LIPK: variants seen among roughly 807,000 people sequenced by gnomAD.
LIPK encodes lipase family member K.
Under a neutral mutation model 48.6 loss-of-function variants are expected in LIPK, and 32 were observed. The observed-to-expected ratio is 0.66, with a 90% CI of 0.50 to 0.88. LIPK has a LOEUF of 0.88. Ranked by LOEUF, LIPK falls within the 40% of genes least tolerant of loss-of-function variation. The pLI is 0.00. For missense variants in LIPK, 507 were observed against 478.5 expected, an observed-to-expected ratio of 1.06 and a Z score of -0.56; for synonymous variants, 164 against 157.4, an observed-to-expected ratio of 1.04 and a Z score of -0.32.
Position 88,733,765 on chromosome 10 carries a change from A to T in LIPK, c.669+1214A>T, listed in dbSNP as rs536153593. 2.0e-5 allele frequency among the ~76,000 whole-genome samples: 3 copies of T among 152,266 alleles called. No homozygotes were observed. In the South Asian group the frequency reaches 6.2e-4, roughly 32 times the overall value. Reference sequence around the variant, plus strand: ...TCTCTTCAAACTTCTGCATACCCTGACGTGTGTAGGACGTGGTGCAATTCA... The same window carrying T: ...TCTCTTCAAACTTCTGCATACCCTGTCGTGTGTAGGACGTGGTGCAATTCA... On this transcript the variant is annotated intron_variant, in intron 6 of 9. Coordinates refer to ENST00000404190, the MANE Select transcript of LIPK (RefSeq NM_001080518.2).
chr10:88,732,306 T>G lies in LIPK; in HGVS notation c.532+19T>G. The G allele has an allele frequency of 6.2e-7, 1 of 1,603,392 alleles. No individual in the cohort carries two copies. The highest frequency in any genetic ancestry group is 8.5e-7 in the Non-Finnish European group (1 of 1,174,008). ...ACCATAGGTGTGTTTGGGGCAGATG[T>G]GATCAGAGAATGTCAGGGGCTCTTC... On this transcript the variant is annotated intron_variant, in intron 5 of 9. Coordinates refer to ENST00000404190, the MANE Select transcript of LIPK (RefSeq NM_001080518.2).
At chr10:88,711,698 C>A (rs1311651762) in intron 1 of LIPK, among the ~76,000 whole-genome samples, 1 of 152,184 alleles carries the variant, frequency 6.6e-6, no homozygotes, top group Non-Finnish European at 1.5e-5. Context: ...GGGTCTTGAG[C>A]TCCTGGCCTC....
intron 3 of LIPK, chr10:88,728,140 T>G: frequency 4.4e-6 from 1 of 226,288 alleles, no homozygotes; most frequent in African/African-American, 2.3e-5. Context: ...ATGAACAACG[T>G]AGAATAAGTA....
intron 3 of LIPK, chr10:88,728,519 T>G (rs905719936): frequency 3.4e-6 from 1 of 290,722 alleles, no homozygotes; most frequent in Non-Finnish European, 7.0e-6. Context: ...GACTCAACGC[T>G]GAGCCTGCAG....
At chr10:88,717,666 T>C (rs1842145695) in intron 1 of LIPK, among the ~76,000 whole-genome samples, 3 of 152,208 alleles carry the variant, frequency 2.0e-5, no homozygotes, top group Non-Finnish European at 1.5e-5. Flanking sequence ...AATAATGATG[T>C]ACCATCTGAT....
At chr10:88,721,750 T>C (rs1035403224) in intron 1 of LIPK, among the ~76,000 whole-genome samples, 2 of 152,164 alleles carry the variant, frequency 1.3e-5, no homozygotes, top group Non-Finnish European at 2.9e-5. Context: ...TACTTACTGG[T>C]GATTTTGATT....
intron 1 of LIPK, among the ~76,000 whole-genome samples, chr10:88,721,834 C>A (rs1280130915): frequency 6.6e-6 from 1 of 152,132 alleles, no homozygotes; most frequent in Non-Finnish European, 1.5e-5. Context: ...GAGAGAAGAC[C>A]AATTTTTACA....
chr10:88,736,735 T>C (rs779223782), intron 6 of LIPK, among the ~76,000 whole-genome samples: 1 of 152,216 alleles, frequency 6.6e-6, no homozygotes, highest in Non-Finnish European at 1.5e-5. Context: ...TCTACCATAA[T>C]GGATTCTTGG....
chr10:88,730,603 TACA>T (rs1842445260), intron 3 of LIPK, among the ~76,000 whole-genome samples: 3 of 152,192 alleles, frequency 2.0e-5, no homozygotes, highest in African/African-American at 7.2e-5. Context: ...GACAGCCTTT[TACA>T]TGTTTTAGTT....
At chr10:88,748,508 T>C (rs1309712787) in intron 9 of LIPK, among the ~76,000 whole-genome samples, 2 of 151,804 alleles carry the variant, frequency 1.3e-5, no homozygotes, top group Non-Finnish European at 2.9e-5. Context: ...TTCCAGCTAC[T>C]TGGGAGGCTA....
intron 7 of LIPK, 117 bp downstream of exon 7, chr10:88,737,898 T>G: frequency 9.3e-7 from 1 of 1,070,372 alleles, no homozygotes. Context: ...ATTTGGAATG[T>G]AATTAGTACA....
At chr10:88,732,077 TA>T in intron 4 of LIPK, 100 bp from the exon 5 acceptor site, 1 of 741,594 alleles carries the variant, frequency 1.3e-6, no homozygotes, top group Non-Finnish European at 2.2e-6. Flanking sequence ...GTCTTATATT[TA>T]ACAAAATCAA....
chr10:88,724,121 A>T (rs937693862), intron 1 of LIPK, among the ~76,000 whole-genome samples: 3 of 152,186 alleles, frequency 2.0e-5, no homozygotes, highest in Non-Finnish European at 4.4e-5. Flanking sequence ...TTTTTTCATA[A>T]AGGTTTTGCC....
chr10:88,726,282 C>T (rs780079813), intron 2 of LIPK, among the ~76,000 whole-genome samples: 1 of 152,228 alleles, frequency 6.6e-6, no homozygotes, highest in African/African-American at 2.4e-5. Context: ...CCCACCCAGA[C>T]TTACCTATGC....
chr10:88,726,826 A>G lies in LIPK; in HGVS notation c.137A>G (p.Tyr46Cys), dbSNP rs759324412. Residue 46 changes from tyrosine to cysteine, a missense_variant, in exon 3 of 10, where the codon TAT becomes TGT. Physicochemically the swap from Tyr to Cys is radical, Grantham distance 194 (BLOSUM62 -2). Transcript: ENST00000404190. ...SQIISYWGYP[Y>C]EEYDVTTKDG... ...ATTATTTCTTACTGGGGTTATCCTT[A>G]TGAAGAGTATGATGTTACAACAAAA... 9.4e-6 allele frequency: 15 copies of G among 1,601,234 alleles called. No individual in the cohort carries two copies. The highest frequency in any genetic ancestry group is 6.7e-5 in the East Asian group (3 of 44,832).
chr10:88,732,944 T>C (rs1474050227), intron 6 of LIPK, among the ~76,000 whole-genome samples: 1 of 152,190 alleles, frequency 6.6e-6, no homozygotes, highest in Non-Finnish European at 1.5e-5. Context: ...ATTTCTATGA[T>C]TTGCAAGCTG....
chr10:88,732,530 C>T lies in LIPK; in HGVS notation c.648C>T (p.Thr216=), dbSNP rs190159444. ...AAAGTCCTATGAAAAAACTAACAAC[C>T]CTTTCCAGGCGAGTAGTTAAGGTAT... The part of the protein sequence containing the change: ...YTQSPMKKLT[T]LSRRVVKVLF... Residue 216 remains threonine (T), a synonymous_variant, in exon 6 of 10, where the codon ACC becomes ACT. Transcript: ENST00000404190. 5.0e-6 allele frequency: 8 copies of T among 1,610,976 alleles called. No individual in the cohort carries two copies. The South Asian group carries it at 6.7e-5, about 13-fold the overall frequency.
At chr10:88,713,528 C>T (rs1842061837) in intron 1 of LIPK, among the ~76,000 whole-genome samples, 1 of 152,132 alleles carries the variant, frequency 6.6e-6, no homozygotes. Context: ...TAAGAAAAAA[C>T]AATTGCTTTT....
intron 1 of LIPK, among the ~76,000 whole-genome samples, chr10:88,710,749 C>G (rs1206025810): frequency 6.6e-6 from 1 of 152,078 alleles, no homozygotes; most frequent in African/African-American, 2.4e-5. Flanking sequence ...GTATTATTTT[C>G]AATAATTTGC....
Sources: allele counts gnomAD v4.1 joint callset (sites outside exome capture counted in the v4.1 genomes callset), GRCh38; gene constraint gnomAD v4.1.1; transcripts MANE v1.5; gene names NCBI Gene and HGNC (gene_info 2026-07-23, HGNC 2026-07-21).